The following GABRG1 variants were observed in gnomAD, a reference collection of about 807,000 sequenced individuals.
GABRG1 encodes gamma-aminobutyric acid receptor subunit gamma-1.
A neutral mutation model predicts 49.8 loss-of-function variants in GABRG1; 49 were observed. The observed-to-expected ratio is 0.98, with a 90% CI of 0.78 to 1.25. The LOEUF is 1.25. Among genes scored for constraint, GABRG1 ranks in the 50% most tolerant of loss-of-function variants. GABRG1 has a pLI of 0.00. For missense variants in GABRG1, 552 were observed against 552.3 expected (o/e 1.00, Z 0.01); for synonymous variants, 232 against 185.1 (o/e 1.25, Z -2.06).
intron 3 of GABRG1, among the ~76,000 whole-genome samples, chr4:46,081,068 A>C (rs780423162): frequency 6.6e-6 from 1 of 151,304 alleles, no homozygotes; most frequent in Non-Finnish European, 1.5e-5. Context: ...CTTGGTTTCC[A>C]CGTCATTGTT....
intron 5 of GABRG1, among the ~76,000 whole-genome samples, chr4:46,060,179 T>G (rs1258607626): frequency 1.3e-5 from 2 of 152,022 alleles, no homozygotes; most frequent in South Asian, 4.1e-4. Context: ...GACTTGTAAT[T>G]AGATTCTCTC....
chr4:46,120,304 A>T, intron 1 of GABRG1, among the ~76,000 whole-genome samples: 1 of 150,568 alleles, frequency 6.6e-6, no homozygotes, highest in Non-Finnish European at 1.5e-5. Context: ...CTTTCTTTTC[A>T]CCCCTCCTTT....
intron 5 of GABRG1, among the ~76,000 whole-genome samples, chr4:46,062,338 G>T (rs949976280): frequency 2.0e-4 from 30 of 151,936 alleles, no homozygotes; most frequent in Non-Finnish European, 2.9e-5. Context: ...ATAAACATAC[G>T]TGTGCATGTG....
chr4:46,039,151 A>C lies in GABRG1; in HGVS notation c.*1837T>G, dbSNP rs1394765802. ...TATCCTTAAATGAATGCTCACTTTC[A>C]AAACATCCATCAGTACTCAATGTTA... On this transcript the variant is annotated 3_prime_UTR_variant, in exon 9 of 9. Coordinates refer to ENST00000295452, the MANE Select transcript of GABRG1 (RefSeq NM_173536.4). The C allele has an allele frequency of 6.6e-6, 1 of 151,694 alleles. No homozygotes were observed. The highest frequency in any genetic ancestry group is 2.4e-5 in the African/African-American group (1 of 41,412). 9.4% of individuals were successfully genotyped at this position (151,694 alleles called of 1,614,324 possible). A position where few individuals can be genotyped will look rare whatever the true frequency, so the allele number is the denominator to read the frequency against.
At chr4:46,105,492 GAA>G (rs887498895) in intron 1 of GABRG1, among the ~76,000 whole-genome samples, 1 of 151,260 alleles carries the variant, frequency 6.6e-6, no homozygotes, top group Admixed American at 6.6e-5. Context: ...GAGATTTGGA[GAA>G]AATTTGGAAA....
chr4:46,048,551 C>T (rs542419323), intron 8 of GABRG1, among the ~76,000 whole-genome samples: 36 of 142,056 alleles, frequency 2.5e-4, no homozygotes, highest in Non-Finnish European at 2.9e-4. Context: ...CACCATGCAC[C>T]GACTCTTTAC....
In GABRG1 at chr4:46,123,163, G is replaced by A. The variant is rs1335852363; in HGVS notation, c.104+647C>T. On this transcript the variant is annotated intron_variant, in intron 1 of 8. Coordinates refer to ENST00000295452, the MANE Select transcript of GABRG1 (RefSeq NM_173536.4). ...ACACACAGAGCCAAGACATTCATGT[G>A]GCCACACATTTTTAATTACTGATGG... 2.1e-5 allele frequency among the ~76,000 whole-genome samples: 3 copies of A among 146,278 alleles called. No individual in the cohort carries two copies. The East Asian group carries it at 6.0e-4, about 29-fold the overall frequency.
intron 1 of GABRG1, among the ~76,000 whole-genome samples, chr4:46,109,792 G>C (rs1257061660): frequency 4.0e-5 from 6 of 151,060 alleles, no homozygotes; most frequent in African/African-American, 1.5e-4. Context: ...TCTGGGGCAA[G>C]TTGTTTAATT....
In GABRG1 at chr4:46,110,393, A is replaced by G. The variant is rs547126627; in HGVS notation, c.105-13044T>C. On this transcript the variant is annotated intron_variant, in intron 1 of 8. Transcript: ENST00000295452. ...TTTATCTAAACTTTATTTTGAGCTG[A>G]TGGGCATTACTACCTCTGAGACAGG... 5.3e-5 allele frequency among the ~76,000 whole-genome samples: 8 copies of G among 151,080 alleles called. No homozygotes were observed. The South Asian group carries it at 1.5e-3, about 27-fold the overall frequency.
Position 46,041,041 on chromosome 4 carries a change from T to C in GABRG1, c.1345A>G (p.Thr449Ala), listed in dbSNP as rs1414548524. 4.3e-6 allele frequency: 7 copies of C among 1,612,814 alleles called. No homozygotes were observed. Among genetic ancestry groups the C allele is most frequent in the Admixed American group, 1.7e-5 (1 of 59,790 alleles). ...IDSYSRIFFP[T>A]AFALFNLVYW... is the part of the protein sequence containing the mutation. ...ACCAAGTTGAACAGGGCAAAAGCGG[T>C]TGGGAAAAATATTCTAGAATAAGAG... The change falls in exon 9 of 9, where the codon ACC becomes GCC. Residue 449 changes from threonine (T) to alanine (A), a missense_variant. By Grantham distance (58) the Thr-to-Ala change is moderately conservative. Transcript: ENST00000295452.
intron 3 of GABRG1, among the ~76,000 whole-genome samples, chr4:46,079,191 A>C (rs1035380178): frequency 6.6e-6 from 1 of 151,850 alleles, no homozygotes; most frequent in Middle Eastern, 3.4e-3. Flanking sequence ...GCATTCTGTC[A>C]TTTGCTAAGT....
chr4:46,115,058 T>G (rs1475397704), intron 1 of GABRG1, among the ~76,000 whole-genome samples: 1 of 150,836 alleles, frequency 6.6e-6, no homozygotes, highest in African/African-American at 2.4e-5. Flanking sequence ...ACAGGTTTAA[T>G]CAGAATCTCA....
chr4:46,058,211 T>C lies in GABRG1; in HGVS notation c.916+6A>G. 1.1e-5 allele frequency: 18 copies of C among 1,608,796 alleles called. No individual in the cohort carries two copies. Among genetic ancestry groups the C allele is most frequent in the Non-Finnish European group, 1.5e-5 (18 of 1,177,916 alleles). ...TGGCATTATAGCATAATATTACATGTCATACCCAACGATGTTCTTGCAGGC... is the reference window on the plus strand; with the variant it reads ...TGGCATTATAGCATAATATTACATGCCATACCCAACGATGTTCTTGCAGGC... On this transcript the variant is annotated splice_donor_region_variant and intron_variant, in intron 7 of 8. Transcript: ENST00000295452.
chr4:46,067,335 A>G (rs914112969), intron 3 of GABRG1, among the ~76,000 whole-genome samples: 7 of 152,130 alleles, frequency 4.6e-5, no homozygotes, highest in Non-Finnish European at 7.4e-5. Flanking sequence ...TTAAAATCCA[A>G]TAGGTACCAG....
intron 2 of GABRG1, among the ~76,000 whole-genome samples, chr4:46,095,731 A>G (rs1025692976): frequency 2.0e-5 from 3 of 152,010 alleles, no homozygotes; most frequent in African/African-American, 7.2e-5. Context: ...ATAATTTTAC[A>G]TGCAACAACT....
intron 8 of GABRG1, among the ~76,000 whole-genome samples, chr4:46,050,840 C>G (rs768465694): frequency 6.6e-6 from 1 of 151,762 alleles, no homozygotes; most frequent in South Asian, 2.1e-4. Context: ...TTAGATATTA[C>G]TTTCAGGTTG....
intron 8 of GABRG1, among the ~76,000 whole-genome samples, chr4:46,043,371 C>A (rs1041783808): frequency 2.6e-5 from 4 of 151,874 alleles, no homozygotes; most frequent in Admixed American, 2.0e-4. Flanking sequence ...GCTCCCTCCA[C>A]CCCATCCCCT....
intron 8 of GABRG1, among the ~76,000 whole-genome samples, chr4:46,049,778 C>T (rs1718143125): frequency 6.6e-6 from 1 of 151,818 alleles, no homozygotes; most frequent in African/African-American, 2.4e-5. Context: ...GTAAGTGTGC[C>T]ATTGGAACTT....
chr4:46,077,435 A>G (rs572266541), intron 3 of GABRG1, among the ~76,000 whole-genome samples: 100 of 152,122 alleles, frequency 6.6e-4, no homozygotes, highest in African/African-American at 2.4e-3. Flanking sequence ...AACAATGGTG[A>G]CCACTAGATA....
Sources: allele counts gnomAD v4.1 joint callset (sites outside exome capture counted in the v4.1 genomes callset), GRCh38; gene constraint gnomAD v4.1.1; transcripts MANE v1.5; gene names NCBI Gene and HGNC (gene_info 2026-07-23, HGNC 2026-07-21).